RNF213: variants seen among roughly 807,000 people sequenced by gnomAD.
The protein encoded by RNF213 is E3 ubiquitin-protein ligase RNF213.
A neutral mutation model predicts 514.4 loss-of-function variants in RNF213; 341 were observed. The observed-to-expected ratio is 0.66, with a 90% confidence interval of 0.61 to 0.73. The LOEUF is 0.73. Among genes scored for constraint, RNF213 ranks in the 30% least tolerant of loss-of-function variants. RNF213 has a pLI of 0.00. For synonymous variants in RNF213, 2,655 were observed against 2,658.2 expected (o/e 1.00, Z 0.04); for missense variants, 5,767 against 6,615.6 (o/e 0.87, Z 4.45).
intron 3 of RNF213, among the ~76,000 whole-genome samples, chr17:80,280,858 T>A (rs2044231889): frequency 6.6e-6 from 1 of 152,198 alleles, no homozygotes; most frequent in South Asian, 2.1e-4. Flanking sequence ...AGTAAAGCTG[T>A]CAACGTACAC....
In RNF213 at chr17:80,346,169, A is replaced by C; in HGVS notation, c.7834A>C (p.Thr2612Pro). The C allele has an allele frequency of 6.2e-7, 1 of 1,614,070 alleles. No homozygotes were observed. Among genetic ancestry groups the C allele is most frequent in the Non-Finnish European group, 8.5e-7 (1 of 1,180,024 alleles). The change falls in exon 29 of 68, where the codon ACT (threonine) becomes CCT (proline). Residue 2612 changes from threonine (T) to proline (P), a missense_variant. Thr to Pro is a conservative substitution (Grantham distance 38, BLOSUM62 -1). Coordinates refer to ENST00000582970, the MANE Select transcript of RNF213 (RefSeq NM_001256071.3). This position sits in a 1 kb window ranked among gnomAD's most constrained non-coding sequence, Gnocchi z 8.1. ...GTCCATCAGCCTAGATGAAAACGGG[A>C]CTCGCGTGATCACAGAAGTCCTCTG... ...VESISLDENG[T>P]RVITEVLCAS... is the part of the protein sequence containing the mutation.
At chr17:80,304,331 A>G (rs1266132973) in intron 11 of RNF213, among the ~76,000 whole-genome samples, 1 of 152,106 alleles carries the variant, frequency 6.6e-6, no homozygotes, top group Non-Finnish European at 1.5e-5. Context: ...TTGATCCTGG[A>G]CACTCGTTAA....
chr17:80,348,199 T>C lies in RNF213; in HGVS notation c.9864T>C (p.Phe3288=), dbSNP rs2078381168. ...FAAEWLSQEY[F]HRQRHNSFAD... is the part of the protein sequence containing the mutation. ...CGGAGTGGCTGTCGCAGGAGTACTT[T>C]CACAGACAGAGGCACAACTCCTTTG... Residue 3288 remains phenylalanine (F), a synonymous_variant, in exon 29 of 68, where the codon TTT becomes TTC. Coordinates refer to ENST00000582970, the MANE Select transcript of RNF213 (RefSeq NM_001256071.3). 2 of 1,613,834 alleles carry C rather than the reference T, an allele frequency of 1.2e-6. No homozygotes were observed. Among genetic ancestry groups the C allele is most frequent in the Admixed American group, 1.7e-5 (1 of 60,014 alleles).
intron 23 of RNF213, 126 bp downstream of exon 23, chr17:80,336,504 A>C: frequency 1.2e-6 from 1 of 833,270 alleles, no homozygotes; most frequent in East Asian, 2.7e-5. Context: ...GTTTTCAATG[A>C]TATTTAAAAA....
intron 29 of RNF213, among the ~76,000 whole-genome samples, chr17:80,349,096 G>C (rs964510682): frequency 2.0e-5 from 3 of 152,288 alleles, no homozygotes; most frequent in Non-Finnish European, 4.4e-5. Flanking sequence ...ACCACCCAGT[G>C]GGGGGATGGG....
At position 80,334,194 on chromosome 17, in the gene RNF213, C is replaced by T. The variant is rs188961033; in HGVS notation, c.4233C>T (p.Ser1411=). ...CCAAAAAGCTGCTCCAGGACATCAG[C>T]GAGGCCCGGTGCAAGGGGCTGCAGG... ...IQAKKLLQDI[S]EARCKGLQAL... The change falls in exon 22 of 68, where the codon AGC becomes AGT. Residue 1411 remains serine, a synonymous_variant. Coordinates refer to ENST00000582970, the MANE Select transcript of RNF213 (RefSeq NM_001256071.3). 7.2e-6 allele frequency: 11 copies of T among 1,537,236 alleles called. No individual in the cohort carries two copies. The highest frequency in any genetic ancestry group is 3.9e-5 in the Admixed American group (2 of 50,994).
intron 3 of RNF213, among the ~76,000 whole-genome samples, chr17:80,277,718 C>T (rs890395809): frequency 1.3e-5 from 2 of 151,948 alleles, no homozygotes; most frequent in Non-Finnish European, 1.5e-5. Context: ...GGGGCTTTTG[C>T]GCATTTTCCC....
chr17:80,274,379 T>C (rs569095649), intron 3 of RNF213, among the ~76,000 whole-genome samples: 47 of 150,058 alleles, frequency 3.1e-4, no homozygotes, highest in Admixed American at 2.9e-3. Flanking sequence ...AGGAGAATGG[T>C]TGGAAGAGAA....
intron 20 of RNF213, among the ~76,000 whole-genome samples, chr17:80,329,184 C>G (rs527444921): frequency 6.6e-6 from 1 of 152,244 alleles, no homozygotes; most frequent in Non-Finnish European, 1.5e-5. Flanking sequence ...CCCCCTCCCC[C>G]GCTACTCACT....
chr17:80,354,744 C>T, intron 36 of RNF213, 168 bp downstream of exon 36: 1 of 811,342 alleles, frequency 1.2e-6, no homozygotes, highest in South Asian at 1.6e-5. Flanking sequence ...CACAGTAGGT[C>T]TGGACAGTGG....
At chr17:80,326,543 C>T (rs1181518444) in intron 18 of RNF213, among the ~76,000 whole-genome samples, 8 of 152,178 alleles carry the variant, frequency 5.3e-5, no homozygotes, top group Non-Finnish European at 2.9e-5. Flanking sequence ...GGCCTGTGTC[C>T]ACCATTCCAG....
Position 80,353,219 on chromosome 17 carries a change from T to C in RNF213, c.10423+160T>C. The stretch of plus-strand genomic sequence containing the variant: ...TGCAGAACTGACTGGTGGCTCATCA[T>C]AGAGCACCAGGGCCGAGCAGGTGCG... On this transcript the variant is annotated intron_variant, in intron 33 of 67. Coordinates refer to ENST00000582970, the MANE Select transcript of RNF213 (RefSeq NM_001256071.3). This position sits in a 1 kb window ranked among gnomAD's most constrained non-coding sequence, Gnocchi z 5.0. The C allele has an allele frequency of 9.6e-7, 1 of 1,046,494 alleles. No individual in the cohort carries two copies. The highest frequency in any genetic ancestry group is 1.4e-6 in the Non-Finnish European group (1 of 706,426). 64.8% of individuals were successfully genotyped at this position (1,046,494 alleles called of 1,614,324 possible).
chr17:80,323,064 G>A (rs994469543), intron 17 of RNF213, among the ~76,000 whole-genome samples: 8 of 152,138 alleles, frequency 5.3e-5, no homozygotes, highest in African/African-American at 1.9e-4. Context: ...TATATATGGT[G>A]TATATGGTGT....
Position 80,354,231 on chromosome 17 carries a change from A to G in RNF213, c.10726+65A>G. 7.0e-6 allele frequency: 11 copies of G among 1,577,110 alleles called. No individual in the cohort carries two copies. The South Asian group carries it at 8.9e-5, about 13-fold the overall frequency. On this transcript the variant is annotated intron_variant, in intron 35 of 67. Transcript: ENST00000582970. ...GGGCTCTTCCTGAGGAGTGGGCATCATTTCACTGTGTGTTGGGGGACACCC... is the reference window on the plus strand; with the variant it reads ...GGGCTCTTCCTGAGGAGTGGGCATCGTTTCACTGTGTGTTGGGGGACACCC...
intron 2 of RNF213, among the ~76,000 whole-genome samples, chr17:80,268,302 C>T (rs1022324495): frequency 4.9e-5 from 7 of 144,084 alleles, no homozygotes; most frequent in Non-Finnish European, 7.5e-5. Context: ...TGCAGTGAGC[C>T]GTGATCATAC....
At position 80,345,472 on chromosome 17, in the gene RNF213, G is replaced by A. The variant is rs577186949; in HGVS notation, c.7137G>A (p.Leu2379=). ...ACAAGAAACTTGAGAGGCTCTGCCT[G>A]ACCTTAGGGATCCCCCAGGCCACCG... ...PRHKKLERLC[L]TLGIPQATDP... is the part of the protein sequence containing the mutation. The change falls in exon 29 of 68, where the codon CTG becomes CTA. Residue 2379 remains leucine (L), a synonymous_variant. Transcript: ENST00000582970. The surrounding 1 kb of genome is among the most constrained non-coding windows in gnomAD (Gnocchi z 6.0). 2.4e-5 allele frequency: 38 copies of A among 1,610,470 alleles called. No individual in the cohort carries two copies. In the South Asian group the frequency reaches 3.7e-4, roughly 16 times the overall value.
At position 80,266,098 on chromosome 17, in the gene RNF213, T is replaced by G. The variant is rs561971659; in HGVS notation, c.97+2320T>G. Among the ~76,000 whole-genome samples the G allele has an allele frequency of 2.0e-4, 31 of 151,556 alleles. No homozygotes were observed. In the East Asian group the frequency reaches 5.6e-3, roughly 28 times the overall value. On this transcript the variant is annotated intron_variant, in intron 2 of 67. Transcript: ENST00000582970. Reference sequence around the variant, plus strand: ...GCATTTCATGTTGCAGCTGGTAGAGTTAGGAAGGCCTCTGAGTCTTTGTTT... The same window carrying G: ...GCATTTCATGTTGCAGCTGGTAGAGGTAGGAAGGCCTCTGAGTCTTTGTTT...
intron 26 of RNF213, chr17:80,340,632 T>G: frequency 2.4e-6 from 1 of 416,488 alleles, no homozygotes; most frequent in South Asian, 2.7e-5. Flanking sequence ...TTTTTTTTTT[T>G]TTTTTTGAGA....
Position 80,346,175 on chromosome 17 carries a change from G to C in RNF213, c.7840G>C (p.Val2614Leu). Residue 2614 changes from valine (V) to leucine (L), a missense_variant, in exon 29 of 68, where the codon GTG (valine) becomes CTG (leucine). Physicochemically the swap from Val to Leu is conservative, Grantham distance 32. Around this residue, in one of 13 missense-constraint regions of RNF213, gnomAD observed 1,377 missense variants for 1,635.2 expected, o/e 0.84. Coordinates refer to ENST00000582970, the MANE Select transcript of RNF213 (RefSeq NM_001256071.3). The surrounding 1 kb of genome is among the most constrained non-coding windows in gnomAD (Gnocchi z 8.1). ...SISLDENGTR[V>L]ITEVLCASQG... The stretch of plus-strand genomic sequence containing the variant: ...CAGCCTAGATGAAAACGGGACTCGC[G>C]TGATCACAGAAGTCCTCTGCGCCTC... 6.2e-7 allele frequency: 1 copy of C among 1,614,170 alleles called. No individual in the cohort carries two copies.
Sources: gnomAD v4.1 joint callset for allele counts (sites outside exome capture counted in the v4.1 genomes callset) on GRCh38, gnomAD v4.1.1 for gene constraint, gnomAD v4.1.1 regional missense constraint, Gnocchi (gnomAD v3.1) non-coding constraint, MANE v1.5 for transcripts, NCBI Gene and HGNC (gene_info 2026-07-23, HGNC 2026-07-21) for gene names.